The following CMSS1 variants were observed in gnomAD, a reference collection of about 807,000 sequenced individuals.
CMSS1 encodes cms1 ribosomal small subunit homolog.
In CMSS1, 33 loss-of-function variants were observed where a neutral mutation model predicts 43.5. That is an observed-to-expected ratio of 0.76 (90% CI 0.57 to 1.01). CMSS1 has a LOEUF of 1.01. Among genes scored for constraint, CMSS1 ranks in the 50% least tolerant of loss-of-function variants. The pLI is 0.00. For missense variants in CMSS1, 313 were observed against 326.4 expected (o/e 0.96, Z 0.32); for synonymous variants, 115 against 117.2 (o/e 0.98, Z 0.12).
intron 1 of CMSS1, among the ~76,000 whole-genome samples, chr3:100,110,829 G>C (rs2066478785): frequency 6.6e-6 from 1 of 152,070 alleles, no homozygotes; most frequent in African/African-American, 2.4e-5. Context: ...CCAGAAGCAG[G>C]ATCTGGACTG....
intron 1 of CMSS1, among the ~76,000 whole-genome samples, chr3:99,818,492 A>G (rs1942368578): frequency 6.6e-6 from 1 of 152,208 alleles, no homozygotes; most frequent in African/African-American, 2.4e-5. Flanking sequence ...AATGATAACA[A>G]TAATGTCCAT....
At chr3:99,911,931 C>T (rs544037760) in intron 1 of CMSS1, among the ~76,000 whole-genome samples, 1 of 152,112 alleles carries the variant, frequency 6.6e-6, no homozygotes, top group South Asian at 2.1e-4. Flanking sequence ...CCAAAATGTT[C>T]GTTCTCTCTT....
chr3:99,930,774 G>C, intron 1 of CMSS1: 5 of 1,613,320 alleles, frequency 3.1e-6, no homozygotes, highest in Non-Finnish European at 4.2e-6. Context: ...CTGACCTGCA[G>C]TTCTCCCTCC....
At chr3:99,943,793 G>T (rs1707923907) in intron 1 of CMSS1, among the ~76,000 whole-genome samples, 1 of 152,214 alleles carries the variant, frequency 6.6e-6, no homozygotes. Context: ...AAACAGCATG[G>T]TAGACAGCAG....
intron 1 of CMSS1, among the ~76,000 whole-genome samples, chr3:99,973,258 T>C (rs1235107798): frequency 6.6e-6 from 1 of 152,170 alleles, no homozygotes; most frequent in Non-Finnish European, 1.5e-5. Flanking sequence ...TGTGATCTCA[T>C]TAGTGGATGT....
At chr3:99,935,420 G>T (rs1300083547) in intron 1 of CMSS1, among the ~76,000 whole-genome samples, 1 of 152,200 alleles carries the variant, frequency 6.6e-6, no homozygotes, top group Non-Finnish European at 1.5e-5. Context: ...ATCTGTGACT[G>T]TCATAACCCT....
At chr3:100,042,319 TAAG>T (rs924459750) in intron 1 of CMSS1, among the ~76,000 whole-genome samples, 7 of 152,042 alleles carry the variant, frequency 4.6e-5, no homozygotes, top group African/African-American at 2.4e-5. Flanking sequence ...TGTATTCTAA[TAAG>T]AAGACCAGCC....
At chr3:99,903,438 G>T (rs1358276633) in intron 1 of CMSS1, among the ~76,000 whole-genome samples, 1 of 152,016 alleles carries the variant, frequency 6.6e-6, no homozygotes, top group African/African-American at 2.4e-5. Context: ...TTTTAGTAGA[G>T]ACGGGGTTTC....
chr3:100,171,715 A>G (rs975151226), intron 6 of CMSS1, 124 bp from the exon 7 acceptor site: 16 of 737,104 alleles, frequency 2.2e-5, no homozygotes, highest in African/African-American at 1.9e-4. Context: ...TTGTATGTAC[A>G]TATGCACATA....
At chr3:99,929,791 C>G (rs1707417249) in intron 1 of CMSS1, 3 of 1,209,444 alleles carry the variant, frequency 2.5e-6, no homozygotes, top group Admixed American at 2.4e-5. Context: ...AGTTACAGAT[C>G]ATGCTCATCT....
At chr3:99,832,362 C>G (rs1303970226) in intron 1 of CMSS1, among the ~76,000 whole-genome samples, 1 of 151,128 alleles carries the variant, frequency 6.6e-6, no homozygotes, top group African/African-American at 2.4e-5. Context: ...TCCCCAGTAG[C>G]TGGGACCACA....
At chr3:100,104,426 T>C (rs1296693236) in intron 1 of CMSS1, among the ~76,000 whole-genome samples, 2 of 152,218 alleles carry the variant, frequency 1.3e-5, no homozygotes, top group Non-Finnish European at 2.9e-5. Context: ...CACACTTTGT[T>C]TGAGATACTC....
rs116245748 is a variant in CMSS1 at position 99,929,164 on chromosome 3, A to C, written c.64+111121A>C. ...TCTCAGAGGAAAATTAAAGAATAAA[A>C]TAAGAATTCCAAAGGGTTTCAGAAA... On this transcript the variant is annotated intron_variant, in intron 1 of 9. Transcript: ENST00000421999. Among the ~76,000 whole-genome samples, 684 of 152,352 alleles carry C rather than the reference A, an allele frequency of 4.5e-3. 7 individuals carry two copies. Among genetic ancestry groups the C allele is most frequent in the African/African-American group, 0.016 (670 of 41,584 alleles).
At chr3:99,849,332 T>G in intron 1 of CMSS1, 1 of 1,614,082 alleles carries the variant, frequency 6.2e-7, no homozygotes, top group East Asian at 2.2e-5. Context: ...AGACTAGGCC[T>G]GAGGCTCTTA....
intron 2 of CMSS1, among the ~76,000 whole-genome samples, chr3:100,155,466 G>GTTGTT (rs528376230): frequency 1.6e-3 from 245 of 152,154 alleles, no homozygotes; most frequent in African/African-American, 5.5e-3. Context: ...AAATAGATTA[G>GTTGTT]TTGTTTTGTT....
At chr3:99,838,918 T>A (rs1285518347) in intron 1 of CMSS1, among the ~76,000 whole-genome samples, 1 of 152,192 alleles carries the variant, frequency 6.6e-6, no homozygotes, top group Non-Finnish European at 1.5e-5. Context: ...AGTGCTGTAT[T>A]CATGGTTCTT....
At chr3:100,167,588 C>T in intron 5 of CMSS1, 150 bp from the exon 6 acceptor site, 1 of 438,302 alleles carries the variant, frequency 2.3e-6, no homozygotes, top group Non-Finnish European at 4.1e-6. Flanking sequence ...TTACAATAAC[C>T]AGAAAATTGA....
chr3:99,848,498 T>C (rs376027916), intron 1 of CMSS1: 16 of 1,614,070 alleles, frequency 9.9e-6, no homozygotes, highest in Non-Finnish European at 1.4e-5. Flanking sequence ...TGGATTTTAT[T>C]ATCCTCAGTA....
chr3:100,110,357 AG>A (rs1368857288), intron 1 of CMSS1, among the ~76,000 whole-genome samples: 2 of 152,036 alleles, frequency 1.3e-5, no homozygotes, highest in Non-Finnish European at 2.9e-5. Flanking sequence ...TTTTTGTTTC[AG>A]GGTCAGGAGC....
Sources: allele counts gnomAD v4.1 joint callset (sites outside exome capture counted in the v4.1 genomes callset), GRCh38; gene constraint gnomAD v4.1.1; transcripts MANE v1.5; gene names NCBI Gene and HGNC (gene_info 2026-07-23, HGNC 2026-07-21).